COG2: variants seen among roughly 807,000 people sequenced by gnomAD.
COG2 encodes component of oligomeric golgi complex 2.
Under a neutral mutation model 90.6 loss-of-function variants are expected in COG2, and 52 were observed. That is an observed-to-expected ratio of 0.57 (90% confidence interval 0.46 to 0.72). The LOEUF (loss-of-function observed/expected upper bound fraction) is 0.72. COG2 is among the 30% of genes least tolerant of loss of function. The pLI is 0.00. For synonymous variants in COG2, 337 were observed against 320.4 expected (o/e 1.05, Z -0.55); for missense variants, 829 against 891.2 (o/e 0.93, Z 0.89).
At chr1:230,654,545 G>T (rs1301574481) in intron 1 of COG2, among the ~76,000 whole-genome samples, 1 of 152,180 alleles carries the variant, frequency 6.6e-6, no homozygotes, top group African/African-American at 2.4e-5. Flanking sequence ...GTCAGGTAGT[G>T]TGATGCCTCC....
At chr1:230,656,956 A>G (rs1662070844) in intron 1 of COG2, among the ~76,000 whole-genome samples, 1 of 152,104 alleles carries the variant, frequency 6.6e-6, no homozygotes, top group Non-Finnish European at 1.5e-5. Flanking sequence ...TTTTGAGCCT[A>G]TGTGTGTCTT....
intron 16 of COG2, among the ~76,000 whole-genome samples, chr1:230,690,551 C>T (rs1663002254): frequency 1.3e-5 from 2 of 152,278 alleles, no homozygotes; most frequent in Admixed American, 6.5e-5. Flanking sequence ...TGGTGAAACC[C>T]TTGTAATCAA....
At chr1:230,663,635 G>C (rs758286776) in intron 4 of COG2, among the ~76,000 whole-genome samples, 4 of 152,184 alleles carry the variant, frequency 2.6e-5, no homozygotes, top group Admixed American at 6.5e-5. Flanking sequence ...GTAGAAGAAT[G>C]TCTTGGTTCA....
rs138181699 is a variant in COG2 at position 230,687,083 on chromosome 1, G to T, written c.1529G>T (p.Arg510Leu). The T allele has an allele frequency of 1.1e-5, 17 of 1,613,232 alleles. No homozygotes were observed. Among genetic ancestry groups the T allele is most frequent in the South Asian group, 2.2e-5 (2 of 90,870 alleles). ...SETKPVVSIS[R>L]TQLVYVVADL... ...ACAAAGCCTGTGGTTTCCATTTCCC[G>T]CACTCAGCTCGTGTATGTGGTTGCA... The change falls in exon 13 of 18, where the codon CGC (arginine) becomes CTC (leucine). Residue 510 changes from arginine to leucine, a missense_variant. Transcript: ENST00000366669.
At chr1:230,645,882 G>A (rs570789760) in intron 1 of COG2, among the ~76,000 whole-genome samples, 2 of 152,164 alleles carry the variant, frequency 1.3e-5, no homozygotes, top group South Asian at 4.2e-4. Context: ...ATCTAGTGCT[G>A]CCACTGATCT....
intron 3 of COG2, 23 bp from the exon 4 acceptor site, chr1:230,663,118 C>CTT (rs555073793): frequency 1.5e-4 from 175 of 1,203,174 alleles, no homozygotes; most frequent in South Asian, 3.2e-4. Context: ...CTCTGCAGTA[C>CTT]TTTTTTTTTT....
chr1:230,656,368 A>G (rs1426202969), intron 1 of COG2, among the ~76,000 whole-genome samples: 3 of 151,992 alleles, frequency 2.0e-5, no homozygotes, highest in Non-Finnish European at 2.9e-5. Flanking sequence ...TTATTTACCC[A>G]GTAGTCATTC....
Position 230,665,855 on chromosome 1 carries a change from T to A in COG2, c.485+1268T>A, listed in dbSNP as rs1363585351. On this transcript the variant is annotated intron_variant, in intron 5 of 17. Coordinates refer to ENST00000366669, the MANE Select transcript of COG2 (RefSeq NM_007357.3). ...GCATTGACAGCCCCTCCCAACTATGTCCTCACTTGGCATCTGTGATACCTG... is the reference window on the plus strand; with the variant it reads ...GCATTGACAGCCCCTCCCAACTATGACCTCACTTGGCATCTGTGATACCTG... Among the ~76,000 whole-genome samples the A allele has an allele frequency of 3.9e-5, 6 of 152,152 alleles. No individual in the cohort carries two copies. In the East Asian group the frequency reaches 1.2e-3, roughly 29 times the overall value.
rs4846864 is a variant in COG2, at chr1:230,642,745, G to C, written c.72+67G>C. The C allele has an allele frequency of 0.69, 1,026,300 of 1,487,484 alleles. 357,709 individuals carry two copies. Among genetic ancestry groups the C allele is most frequent in the East Asian group, 0.94 (37,569 of 39,822 alleles). The allele number at this position is 1,487,484 out of a possible 1,614,324, so 92.1% of individuals were successfully genotyped here. A position where few individuals can be genotyped will look rare whatever the true frequency, so the allele number is the denominator to read the frequency against. On this transcript the variant is annotated intron_variant, in intron 1 of 17. Coordinates refer to ENST00000366669, the MANE Select transcript of COG2 (RefSeq NM_007357.3). ...GCCTCTGCCCTGTGCCCTCTGTGGC[G>C]GTCTCTTCGGTCGGCTGCTCCTGCC...
At chr1:230,689,871 T>G in intron 15 of COG2, 143 bp from the exon 16 acceptor site, 1 of 741,276 alleles carries the variant, frequency 1.3e-6, no homozygotes, top group Non-Finnish European at 2.2e-6. Context: ...GACCCCAGTG[T>G]TACTTTTGGG....
intron 10 of COG2, 58 bp from the exon 11 acceptor site, chr1:230,683,516 A>T: frequency 7.7e-7 from 1 of 1,297,102 alleles, no homozygotes; most frequent in Non-Finnish European, 1.1e-6. Flanking sequence ...GAGAATGGAT[A>T]GGGAAAGGCA....
chr1:230,687,447 CT>C (rs958680064), intron 13 of COG2, among the ~76,000 whole-genome samples: 4 of 151,778 alleles, frequency 2.6e-5, no homozygotes, highest in African/African-American at 7.3e-5. Flanking sequence ...TGCTCCCCCA[CT>C]TTTTTTTTCC....
At chr1:230,682,297 G>GCT (rs1203805982) in intron 10 of COG2, 1 of 152,178 alleles carries the variant, frequency 6.6e-6, no homozygotes, top group Non-Finnish European at 1.5e-5. Flanking sequence ...GTGCTGGTTT[G>GCT]CTCTCCCAGG....
At chr1:230,658,418 C>T (rs1571946493) in intron 1 of COG2, among the ~76,000 whole-genome samples, 1 of 152,262 alleles carries the variant, frequency 6.6e-6, no homozygotes, top group East Asian at 1.9e-4. Flanking sequence ...GTTCTTTCCT[C>T]TGGAAGCTTC....
Position 230,668,949 on chromosome 1 carries a change from A to T in COG2, c.594+165A>T, listed in dbSNP as rs1440279898. 5.8e-6 allele frequency: 3 copies of T among 520,188 alleles called. No homozygotes were observed. The African/African-American group carries it at 5.8e-5, about 10-fold the overall frequency. The allele number at this position is 520,188 out of a possible 1,614,324, so 32.2% of individuals were successfully genotyped here. A position where few individuals can be genotyped will look rare whatever the true frequency, so the allele number is the denominator to read the frequency against. On this transcript the variant is annotated intron_variant, in intron 6 of 17. Coordinates refer to ENST00000366669, the MANE Select transcript of COG2 (RefSeq NM_007357.3). ...CAGCTTCCTAAGTGTCACACATTAT[A>T]GATTTTGTGTAAAGACTCAGTCACA...
Position 230,642,517 on chromosome 1 carries a change from C to CTGGCGG in COG2, c.-85_-80dup, listed in dbSNP as rs1661644039. On this transcript the variant is annotated 5_prime_UTR_variant, in exon 1 of 18. Coordinates refer to ENST00000366669, the MANE Select transcript of COG2 (RefSeq NM_007357.3). ...AGCGGACCCCCCTGTGCCGTGGAAA[C>CTGGCGG]TGGCGGTGGCCGCGGCCGCCGAGTC... is the stretch of plus-strand genomic sequence containing the variant. 3.0e-6 allele frequency: 4 copies of CTGGCGG among 1,330,972 alleles called. No individual in the cohort carries two copies. The Admixed American group carries it at 6.0e-5, about 20-fold the overall frequency. 82.4% of individuals were successfully genotyped at this position (1,330,972 alleles called of 1,614,324 possible). A position where few individuals can be genotyped will look rare whatever the true frequency, so the allele number is the denominator to read the frequency against.
intron 10 of COG2, 73 bp downstream of exon 10, chr1:230,679,125 C>G: frequency 1.4e-6 from 2 of 1,425,046 alleles, no homozygotes; most frequent in Non-Finnish European, 1.9e-6. Flanking sequence ...AAGGATGTTG[C>G]CTCAGTTAGC....
chr1:230,670,201 GCAGC>G (rs1662415786), intron 7 of COG2: 1 of 152,220 alleles, frequency 6.6e-6, no homozygotes, highest in African/African-American at 2.4e-5. Flanking sequence ...CCACTTCTGA[GCAGC>G]CAGAGTATAG....
intron 16 of COG2, 98 bp downstream of exon 16, chr1:230,690,251 A>T: frequency 2.6e-5 from 26 of 1,015,966 alleles, no homozygotes; most frequent in Non-Finnish European, 3.6e-5. Flanking sequence ...TAAGGCAGTG[A>T]GACTGCCTAG....
Sources: gnomAD v4.1 joint callset for allele counts (sites outside exome capture counted in the v4.1 genomes callset) on GRCh38, gnomAD v4.1.1 for gene constraint, MANE v1.5 for transcripts, NCBI Gene and HGNC (gene_info 2026-07-23, HGNC 2026-07-21) for gene names.